Variants in CADPS observed in about 807,000 individuals in gnomAD.
CADPS encodes the protein calcium-dependent secretion activator 1.
In CADPS, 57 loss-of-function variants were observed where a neutral mutation model predicts 167.3. The ratio of observed to expected loss-of-function variants is 0.34; its 90% confidence interval spans 0.28 to 0.42. The LOEUF is 0.42. Among genes scored for constraint, CADPS ranks in the 20% least tolerant of loss-of-function variants. The pLI, the probability that CADPS is intolerant of heterozygous loss-of-function variation, is 1.00. For missense variants in CADPS, 1,414 were observed against 1,738.1 expected, an observed-to-expected ratio of 0.81 and a Z score of 3.32; for synonymous variants, 676 against 635.3, an observed-to-expected ratio of 1.06 and a Z score of -0.96.
At chr3:62,406,080 G>A (rs1239476838) in intron 28 of CADPS, among the ~76,000 whole-genome samples, 3 of 152,210 alleles carry the variant, frequency 2.0e-5, no homozygotes, top group Admixed American at 6.5e-5. Context: ...TTGAAAGAGC[G>A]GACTGTCTTC....
At chr3:62,803,130 A>G (rs77127651) in intron 1 of CADPS, among the ~76,000 whole-genome samples, 26,923 of 152,064 alleles carry the variant, frequency 0.18, 2,788 homozygotes, top group Middle Eastern at 0.3. Context: ...AGGAGAGCTG[A>G]ACCATGCAAC....
chr3:62,405,448 G>GAAAAAA (rs35356402), intron 28 of CADPS, among the ~76,000 whole-genome samples: 1 of 128,056 alleles, frequency 7.8e-6, no homozygotes. Context: ...CACCTTTCAG[G>GAAAAAA]AAAAAAAAAA....
At chr3:62,418,028 T>G (rs1044360456) in intron 28 of CADPS, among the ~76,000 whole-genome samples, 4 of 151,752 alleles carry the variant, frequency 2.6e-5, no homozygotes, top group South Asian at 4.1e-4. Context: ...GAAAAGAAAA[T>G]ATTTAGTGAG....
intron 3 of CADPS, among the ~76,000 whole-genome samples, chr3:62,662,784 A>T (rs1420239946): frequency 6.6e-6 from 1 of 152,212 alleles, no homozygotes. Context: ...GACATAGTGC[A>T]TATCCCCAGT....
At chr3:62,617,217 A>G (rs2062455523) in intron 6 of CADPS, among the ~76,000 whole-genome samples, 1 of 152,162 alleles carries the variant, frequency 6.6e-6, no homozygotes, top group South Asian at 2.1e-4. Flanking sequence ...TGAGAACACA[A>G]TGAGCCAATA....
At chr3:62,871,206 G>A (rs980907671) in intron 1 of CADPS, among the ~76,000 whole-genome samples, 39 of 152,058 alleles carry the variant, frequency 2.6e-4, no homozygotes, top group Non-Finnish European at 3.2e-4. Flanking sequence ...CCAAATGATG[G>A]TACTGTCTCC....
At chr3:62,706,775 C>G (rs1190568247) in intron 3 of CADPS, among the ~76,000 whole-genome samples, 2 of 152,100 alleles carry the variant, frequency 1.3e-5, no homozygotes, top group East Asian at 3.9e-4. Context: ...AGGGCTGACC[C>G]TACTGGCCTC....
intron 21 of CADPS, among the ~76,000 whole-genome samples, chr3:62,488,493 T>A (rs1489331340): frequency 6.6e-6 from 1 of 150,558 alleles, no homozygotes. Context: ...TATTTATTTA[T>A]TTATTATTAT....
intron 26 of CADPS, among the ~76,000 whole-genome samples, chr3:62,454,763 T>A (rs2058487564): frequency 6.6e-6 from 1 of 152,110 alleles, no homozygotes; most frequent in Non-Finnish European, 1.5e-5. Context: ...CTGCAAAGCA[T>A]CCTTAGGCAA....
chr3:62,872,581 TA>T (rs879429642), intron 1 of CADPS, among the ~76,000 whole-genome samples: 1 of 152,148 alleles, frequency 6.6e-6, no homozygotes, highest in Non-Finnish European at 1.5e-5. Flanking sequence ...AGCTCCCGTG[TA>T]AAAATGCAAA....
intron 3 of CADPS, among the ~76,000 whole-genome samples, chr3:62,719,972 G>A (rs1217627455): frequency 6.6e-6 from 1 of 152,142 alleles, no homozygotes; most frequent in South Asian, 2.1e-4. Flanking sequence ...CTGGCACAGC[G>A]GGAGCATCAT....
At chr3:62,718,252 G>T (rs1564256739) in intron 3 of CADPS, among the ~76,000 whole-genome samples, 1 of 152,062 alleles carries the variant, frequency 6.6e-6, no homozygotes, top group African/African-American at 2.4e-5. Flanking sequence ...CTGACTCATT[G>T]TAGGTGCTCA....
intron 21 of CADPS, among the ~76,000 whole-genome samples, chr3:62,490,746 TA>T (rs1175557592): frequency 1.3e-5 from 2 of 152,164 alleles, no homozygotes; most frequent in Non-Finnish European, 2.9e-5. Flanking sequence ...AGGTTTTTTT[TA>T]AAAAGGTGCA....
Position 62,635,924 on chromosome 3 carries a change from T to C in CADPS, c.1325+9798A>G, listed in dbSNP as rs375107252. 5.3e-5 allele frequency among the ~76,000 whole-genome samples: 8 copies of C among 152,312 alleles called. 1 individual carries two copies. Among genetic ancestry groups the C allele is most frequent in the African/African-American group, 1.9e-4 (8 of 41,572 alleles). ...AAAACTAGCTTGCTATATAGTTTTT[T>C]TCCAAGTACAAGTAAGGGATCTACA... On this transcript the variant is annotated intron_variant, in intron 6 of 29. Coordinates refer to ENST00000383710, the MANE Select transcript of CADPS (RefSeq NM_003716.4).
intron 6 of CADPS, among the ~76,000 whole-genome samples, chr3:62,643,048 A>T (rs2067774764): frequency 6.6e-6 from 1 of 152,250 alleles, no homozygotes; most frequent in African/African-American, 2.4e-5. Flanking sequence ...AAAATGGTTA[A>T]AAAGAGTATT....
At chr3:62,763,483 GAAAT>G (rs1272060198) in intron 2 of CADPS, among the ~76,000 whole-genome samples, 1 of 152,190 alleles carries the variant, frequency 6.6e-6, no homozygotes, top group Non-Finnish European at 1.5e-5. Context: ...GTTAATTGAG[GAAAT>G]AAATCTCTTT....
intron 3 of CADPS, among the ~76,000 whole-genome samples, chr3:62,748,301 G>A (rs2081951406): frequency 8.0e-6 from 1 of 124,414 alleles, no homozygotes; most frequent in Non-Finnish European, 1.6e-5. Context: ...AGCCGAGATT[G>A]CGCCACTGCA....
At chr3:62,621,425 T>C (rs1181280536) in intron 6 of CADPS, among the ~76,000 whole-genome samples, 1 of 152,144 alleles carries the variant, frequency 6.6e-6, no homozygotes, top group Non-Finnish European at 1.5e-5. Flanking sequence ...TCACTCCTAA[T>C]GGTGACTTCA....
intron 4 of CADPS, among the ~76,000 whole-genome samples, chr3:62,656,605 G>A (rs2071657527): frequency 6.6e-6 from 1 of 152,180 alleles, no homozygotes; most frequent in South Asian, 2.1e-4. Context: ...TCAGCAGAAG[G>A]CTGGTGATGG....
Sources: gnomAD v4.1 joint callset for allele counts (sites outside exome capture counted in the v4.1 genomes callset) on GRCh38, gnomAD v4.1.1 for gene constraint, MANE v1.5 for transcripts, NCBI Gene and HGNC (gene_info 2026-07-23, HGNC 2026-07-21) for gene names.